Variants in ERBB4 observed in about 807,000 individuals in gnomAD.
ERBB4 encodes receptor tyrosine-protein kinase erbB-4.
Under a neutral mutation model 158.0 loss-of-function variants are expected in ERBB4, and 42 were observed. The ratio of observed to expected loss-of-function variants is 0.27; its 90% CI spans 0.21 to 0.34. The LOEUF (loss-of-function observed/expected upper bound fraction) is 0.34, where lower values mean the gene tolerates loss of function less well. Among genes scored for constraint, ERBB4 ranks in the 10% least tolerant of loss-of-function variants. The pLI is 1.00. For missense variants in ERBB4, 1,333 were observed against 1,624.1 expected, an observed-to-expected ratio of 0.82 and a Z score of 3.08; for synonymous variants, 583 against 558.7, an observed-to-expected ratio of 1.04 and a Z score of -0.61.
At chr2:211,895,793 G>A (rs1438196715) in intron 3 of ERBB4, among the ~76,000 whole-genome samples, 1 of 152,088 alleles carries the variant, frequency 6.6e-6, no homozygotes, top group Admixed American at 6.6e-5. Context: ...ATCGTAATCT[G>A]GCACTTTACT....
chr2:211,906,252 A>G (rs1051281063), intron 3 of ERBB4, among the ~76,000 whole-genome samples: 2 of 152,146 alleles, frequency 1.3e-5, no homozygotes, highest in African/African-American at 4.8e-5. Flanking sequence ...AGGATTCTGC[A>G]TATATTTAAT....
chr2:212,526,288 A>G (rs1575083364), intron 1 of ERBB4, among the ~76,000 whole-genome samples: 1 of 152,016 alleles, frequency 6.6e-6, no homozygotes, highest in Admixed American at 6.6e-5. Flanking sequence ...TCTCTGGCTC[A>G]TGGTGTGCTA....
rs769707072 is a variant in ERBB4, at chr2:211,560,262, C to CTTTTTTTTTTTTT, written c.2487+1628_2487+1640dup. Among the ~76,000 whole-genome samples the CTTTTTTTTTTTTT allele has an allele frequency of 2.3e-3, 107 of 46,312 alleles. 24 individuals are homozygous for CTTTTTTTTTTTTT. Among genetic ancestry groups the CTTTTTTTTTTTTT allele is most frequent in the African/African-American group, 5.5e-3 (58 of 10,454 alleles). The allele number at this position is 46,312 out of a possible 152,430, so 30.4% of individuals were successfully genotyped here. On this transcript the variant is annotated intron_variant, in intron 20 of 27. Transcript: ENST00000342788. Reference sequence around the variant, plus strand: ...CAGCACTAACAAATTTGAAGCTTAGCTTTTTTTTTTTTTTTTTTTTTTTTT... The same window carrying CTTTTTTTTTTTTT: ...CAGCACTAACAAATTTGAAGCTTAGCTTTTTTTTTTTTTTTTTTTTTTTTTTTTTTTTTTTTTT...
chr2:211,718,985 G>T (rs1017358965), intron 7 of ERBB4, among the ~76,000 whole-genome samples: 2 of 152,170 alleles, frequency 1.3e-5, no homozygotes, highest in African/African-American at 4.8e-5. Flanking sequence ...AGGGATAAGG[G>T]GGCTTTCTGC....
chr2:211,905,644 G>T (rs1479011361), intron 3 of ERBB4, among the ~76,000 whole-genome samples: 1 of 41,864 alleles, frequency 2.4e-5, no homozygotes. Flanking sequence ...AAGTAGGAAG[G>T]ATCATATATA....
At chr2:212,404,041 G>A (rs1020538555) in intron 1 of ERBB4, among the ~76,000 whole-genome samples, 1 of 151,892 alleles carries the variant, frequency 6.6e-6, no homozygotes, top group African/African-American at 2.4e-5. Flanking sequence ...CTTAATAAGA[G>A]CCATCATTTT....
intron 1 of ERBB4, among the ~76,000 whole-genome samples, chr2:212,498,443 T>C (rs16848720): frequency 0.045 from 6,814 of 152,202 alleles, 519 homozygotes; most frequent in African/African-American, 0.15. Context: ...AAAAATGCCT[T>C]TCAATCTCTA....
intron 18 of ERBB4, 145 bp downstream of exon 18, chr2:211,623,777 G>A (rs2069726880): frequency 2.6e-6 from 2 of 754,910 alleles, no homozygotes; most frequent in African/African-American, 1.8e-5. Flanking sequence ...ATTCATTTGT[G>A]CAGCAACTTC....
intron 19 of ERBB4, among the ~76,000 whole-genome samples, chr2:211,569,389 C>T (rs1281005297): frequency 6.6e-6 from 1 of 152,150 alleles, no homozygotes; most frequent in Non-Finnish European, 1.5e-5. Context: ...AGGTGCCTAG[C>T]ACTGTGATTG....
intron 1 of ERBB4, among the ~76,000 whole-genome samples, chr2:212,221,022 T>A (rs2083273600): frequency 1.3e-5 from 2 of 151,494 alleles, no homozygotes; most frequent in African/African-American, 4.8e-5. Flanking sequence ...CAACCCAGTA[T>A]GTAGGTGACT....
chr2:212,065,502 A>G (rs2077916718), intron 2 of ERBB4, among the ~76,000 whole-genome samples: 1 of 152,102 alleles, frequency 6.6e-6, no homozygotes. Context: ...TTAATCAAAC[A>G]TATTTATAAA....
intron 18 of ERBB4, among the ~76,000 whole-genome samples, chr2:211,622,761 G>C (rs1260576776): frequency 6.6e-6 from 1 of 150,402 alleles, no homozygotes; most frequent in Admixed American, 6.6e-5. Context: ...TCAGGAGTTC[G>C]AGACCAGCCT....
At chr2:211,727,949 A>C (rs1403104409) in intron 5 of ERBB4, among the ~76,000 whole-genome samples, 12 of 151,954 alleles carry the variant, frequency 7.9e-5, no homozygotes, top group Non-Finnish European at 1.6e-4. Context: ...GGGTTTGTGA[A>C]CGTATATTTT....
chr2:212,187,913 T>C (rs1304601953), intron 1 of ERBB4, among the ~76,000 whole-genome samples: 2 of 152,132 alleles, frequency 1.3e-5, no homozygotes, highest in African/African-American at 4.8e-5. Flanking sequence ...TACCACTCAT[T>C]AAAGCCCAAT....
At chr2:212,438,887 A>G (rs1208175727) in intron 1 of ERBB4, among the ~76,000 whole-genome samples, 1 of 152,136 alleles carries the variant, frequency 6.6e-6, no homozygotes, top group Non-Finnish European at 1.5e-5. Context: ...AGACAAATAG[A>G]ATAAAGAAGC....
intron 3 of ERBB4, among the ~76,000 whole-genome samples, chr2:211,792,467 A>T (rs2076297092): frequency 6.6e-6 from 1 of 151,868 alleles, no homozygotes; most frequent in Admixed American, 6.6e-5. Flanking sequence ...GATAATATAC[A>T]ATATTACTGC....
intron 3 of ERBB4, among the ~76,000 whole-genome samples, chr2:211,920,587 T>C (rs962222859): frequency 2.6e-5 from 4 of 152,028 alleles, no homozygotes; most frequent in African/African-American, 7.2e-5. Context: ...TACTGCAAGA[T>C]GTGTTTGCCA....
chr2:212,491,086 T>C (rs766649811), intron 1 of ERBB4, among the ~76,000 whole-genome samples: 2 of 151,634 alleles, frequency 1.3e-5, no homozygotes, highest in Non-Finnish European at 3.0e-5. Context: ...TTTCAAGGTA[T>C]TCTAGCATCT....
At chr2:211,775,211 G>A (rs1350392343) in intron 4 of ERBB4, among the ~76,000 whole-genome samples, 1 of 152,182 alleles carries the variant, frequency 6.6e-6, no homozygotes, top group Non-Finnish European at 1.5e-5. Context: ...TGCTAGTCAT[G>A]AATCTTCCCA....
Sources: allele counts gnomAD v4.1 joint callset (sites outside exome capture counted in the v4.1 genomes callset), GRCh38; gene constraint gnomAD v4.1.1; transcripts MANE v1.5; gene names NCBI Gene and HGNC (gene_info 2026-07-23, HGNC 2026-07-21).